KDM4C: variants seen among roughly 807,000 people sequenced by gnomAD.
KDM4C encodes lysine demethylase 4C, also known as lysine-specific demethylase 4C.
A neutral mutation model predicts 129.3 loss-of-function variants in KDM4C; 81 were observed. The ratio of observed to expected loss-of-function variants is 0.63; its 90% CI spans 0.52 to 0.75. The LOEUF is 0.75. Among genes scored for constraint, KDM4C ranks in the 30% least tolerant of loss-of-function variants. The pLI, the probability that KDM4C is intolerant of heterozygous loss-of-function variation, is 0.00. For missense variants in KDM4C, 1,457 were observed against 1,304.0 expected (o/e 1.12, Z -1.81); for synonymous variants, 573 against 456.1 (o/e 1.26, Z -3.26).
At chr9:6,765,969 A>G (rs113306655) in intron 1 of KDM4C, among the ~76,000 whole-genome samples, 3,820 of 152,176 alleles carry the variant, frequency 0.025, 180 homozygotes, top group African/African-American at 0.088. Context: ...TTGTGCTTTT[A>G]GTAGAGATGG....
At chr9:6,775,283 C>A (rs930436107) in intron 1 of KDM4C, among the ~76,000 whole-genome samples, 1 of 151,138 alleles carries the variant, frequency 6.6e-6, no homozygotes, top group Admixed American at 6.6e-5. Context: ...TCCCAAAGTG[C>A]TGGGATTACA....
chr9:6,982,396 G>C (rs1816925569), intron 9 of KDM4C: 1 of 152,132 alleles, frequency 6.6e-6, no homozygotes, highest in African/African-American at 2.4e-5. Flanking sequence ...GTGTTTGTTA[G>C]TAGGTCAGGA....
chr9:6,952,492 G>A (rs1442387651), intron 8 of KDM4C, among the ~76,000 whole-genome samples: 1 of 151,638 alleles, frequency 6.6e-6, no homozygotes, highest in Non-Finnish European at 1.5e-5. Context: ...CCAGGCTGGA[G>A]TGCAGTGGCA....
At chr9:6,808,819 G>T (rs1170729997) in intron 3 of KDM4C, among the ~76,000 whole-genome samples, 1 of 152,040 alleles carries the variant, frequency 6.6e-6, no homozygotes, top group Non-Finnish European at 1.5e-5. Flanking sequence ...TTCTTGAAGG[G>T]AGGAGTGTCA....
chr9:6,849,755 G>C, intron 5 of KDM4C, 55 bp downstream of exon 5: 1 of 1,352,820 alleles, frequency 7.4e-7, no homozygotes, highest in Non-Finnish European at 1.0e-6. Context: ...TTGGGCATCA[G>C]GCACATATTG....
chr9:7,069,105 G>A (rs1832850754), intron 17 of KDM4C, among the ~76,000 whole-genome samples: 1 of 152,088 alleles, frequency 6.6e-6, no homozygotes, highest in African/African-American at 2.4e-5. Flanking sequence ...TGTTCTGAGT[G>A]GCAAGTAAGA....
At chr9:7,020,297 C>T (rs1824557671) in intron 15 of KDM4C, among the ~76,000 whole-genome samples, 1 of 152,288 alleles carries the variant, frequency 6.6e-6, no homozygotes, top group South Asian at 2.1e-4. Context: ...ACTGTCAATC[C>T]TTGGATACAG....
intron 6 of KDM4C, among the ~76,000 whole-genome samples, chr9:6,884,275 C>G (rs1355103094): frequency 1.3e-5 from 2 of 152,142 alleles, no homozygotes; most frequent in African/African-American, 4.8e-5. Context: ...TAATATGTGC[C>G]TCTCATGTCA....
intron 2 of KDM4C, among the ~76,000 whole-genome samples, chr9:6,801,296 A>C (rs562198681): frequency 1.7e-5 from 2 of 114,580 alleles, no homozygotes; most frequent in East Asian, 5.9e-4. Context: ...CTCTGTCCCC[A>C]GGCTGGAGTG....
At chr9:7,022,921 T>G (rs1056443862) in intron 15 of KDM4C, among the ~76,000 whole-genome samples, 1 of 152,204 alleles carries the variant, frequency 6.6e-6, no homozygotes, top group African/African-American at 2.4e-5. Flanking sequence ...GTTTTTGTTC[T>G]TCATTCTAAT....
intron 1 of KDM4C, among the ~76,000 whole-genome samples, chr9:6,778,622 C>T (rs183699902): frequency 6.6e-4 from 100 of 151,584 alleles, no homozygotes; most frequent in Middle Eastern, 3.4e-3. Context: ...CAAAAATTAG[C>T]GGGGCGTGGT....
At chr9:7,010,791 T>A (rs116924276) in intron 12 of KDM4C, among the ~76,000 whole-genome samples, 6,455 of 152,208 alleles carry the variant, frequency 0.042, 316 homozygotes, top group East Asian at 0.26. Context: ...TGCCTGTAAT[T>A]CCAGCACTTT....
chr9:6,905,864 A>C (rs1046040824), intron 8 of KDM4C, among the ~76,000 whole-genome samples: 1 of 152,140 alleles, frequency 6.6e-6, no homozygotes, highest in Non-Finnish European at 1.5e-5. Context: ...TTCAATTCCT[A>C]TTACCCTTTA....
intron 18 of KDM4C, chr9:7,105,305 A>G: frequency 2.7e-6 from 1 of 372,382 alleles, no homozygotes. Context: ...AGATTCTGCC[A>G]GTAACAGATT....
chr9:6,727,974 C>T (rs899869371), intron 1 of KDM4C, among the ~76,000 whole-genome samples: 1 of 150,246 alleles, frequency 6.7e-6, no homozygotes, highest in East Asian at 2.0e-4. Context: ...AGAACCTCCC[C>T]TTTCCCCTCC....
chr9:7,076,466 A>G, intron 17 of KDM4C: 3 of 1,549,054 alleles, frequency 1.9e-6, no homozygotes, highest in South Asian at 2.4e-5. Flanking sequence ...AGCAACAGTA[A>G]CAACAACAAC....
intron 2 of KDM4C, among the ~76,000 whole-genome samples, chr9:6,804,699 C>A (rs1388314156): frequency 6.7e-6 from 1 of 148,340 alleles, no homozygotes; most frequent in Non-Finnish European, 1.5e-5. Context: ...GCGGAGGTTG[C>A]AGTGAGCTGA....
chr9:7,053,902 A>G (rs1416422964), intron 17 of KDM4C, among the ~76,000 whole-genome samples: 2 of 152,254 alleles, frequency 1.3e-5, no homozygotes. Flanking sequence ...AAGTTAGCTG[A>G]ATGGGCTAAA....
chr9:6,914,372 C>T (rs1819924797), intron 8 of KDM4C, among the ~76,000 whole-genome samples: 1 of 152,044 alleles, frequency 6.6e-6, no homozygotes, highest in African/African-American at 2.4e-5. Context: ...GTGCCTGGCC[C>T]ATATTTTCCC....
Sources: allele counts gnomAD v4.1 joint callset (sites outside exome capture counted in the v4.1 genomes callset), GRCh38; gene constraint gnomAD v4.1.1; transcripts MANE v1.5; gene names NCBI Gene and HGNC (gene_info 2026-07-23, HGNC 2026-07-21).